The following PLD2 variants were observed in gnomAD, a reference collection of about 807,000 sequenced individuals.
PLD2 encodes the protein choline phosphatase 2.
In PLD2, 101 loss-of-function variants were observed where a neutral mutation model predicts 119.8. The ratio of observed to expected loss-of-function variants is 0.84; its 90% CI spans 0.72 to 0.99. The LOEUF (loss-of-function observed/expected upper bound fraction) is 0.99, where lower values mean the gene tolerates loss of function less well. PLD2 is among the 50% of genes least tolerant of loss of function. The pLI is 0.00. For missense variants in PLD2, 1,164 were observed against 1,226.8 expected, an observed-to-expected ratio of 0.95 and a Z score of 0.76; for synonymous variants, 494 against 482.8, an observed-to-expected ratio of 1.02 and a Z score of -0.30.
rs1906129199 is a variant in PLD2, at chr17:4,808,731, A to C, written c.383+315A>C. Among the ~76,000 whole-genome samples the C allele has an allele frequency of 6.6e-6, 1 of 152,014 alleles. No homozygotes were observed. Among genetic ancestry groups the C allele is most frequent in the African/African-American group, 2.4e-5 (1 of 41,390 alleles). ...TTGTTTTTTGTTTTTGTTTTGTACA[A>C]GGTCTCCCTCTGTCACCCAGGCTAG... On this transcript the variant is annotated intron_variant, in intron 4 of 24. Transcript: ENST00000263088. This position sits in a 1 kb window ranked among gnomAD's most constrained non-coding sequence, Gnocchi z 4.1.
chr17:4,818,468 C>T (rs1194895224), intron 19 of PLD2, 26 bp from the exon 20 acceptor site: 1 of 1,599,070 alleles, frequency 6.3e-7, no homozygotes, highest in Non-Finnish European at 8.6e-7. Context: ...GGACCAGTCG[C>T]ACCTCTGACT....
chr17:4,819,663 A>T lies in PLD2; in HGVS notation c.2462+81A>T. ...TGAGCAGGACAAGAGGTAGCACCGC[A>T]TAGGTACTCCCGGAGCCAGAGGTAG... On this transcript the variant is annotated intron_variant, in intron 23 of 24. Transcript: ENST00000263088. This position sits in a 1 kb window ranked among gnomAD's most constrained non-coding sequence, Gnocchi z 4.2. 1 of 1,348,056 alleles carries T rather than the reference A, an allele frequency of 7.4e-7. No individual in the cohort carries two copies. The highest frequency in any genetic ancestry group is 1.0e-6 in the Non-Finnish European group (1 of 982,270). The allele number at this position is 1,348,056 out of a possible 1,614,324, so 83.5% of individuals were successfully genotyped here. A position where few individuals can be genotyped will look rare whatever the true frequency, so the allele number is the denominator to read the frequency against.
intron 15 of PLD2, 35 bp from the exon 16 acceptor site, chr17:4,816,902 C>G (rs747390418): frequency 6.3e-7 from 1 of 1,592,696 alleles, no homozygotes; most frequent in South Asian, 1.1e-5. Context: ...GAGTCCAGCC[C>G]TGACATCTCC....
intron 23 of PLD2, among the ~76,000 whole-genome samples, chr17:4,821,051 C>T (rs552064255): frequency 7.9e-4 from 120 of 151,186 alleles, no homozygotes; most frequent in South Asian, 1.5e-3. Flanking sequence ...TACAGGCGCC[C>T]GCCACCATGC....
At position 4,818,947 on chromosome 17, in the gene PLD2, A is replaced by G. The variant is rs1240585484; in HGVS notation, c.2173+124A>G. ...GTGAGCCTCTGACGCTACGCAGACC[A>G]TAGCTGGCCTTTCACTGCAGGGAGA... is the stretch of plus-strand genomic sequence containing the variant. On this transcript the variant is annotated intron_variant, in intron 21 of 24. Transcript: ENST00000263088. 8.8e-6 allele frequency: 13 copies of G among 1,485,136 alleles called. No individual in the cohort carries two copies. In the Admixed American group the frequency reaches 1.8e-4, roughly 21 times the overall value. 92.0% of individuals were successfully genotyped at this position (1,485,136 alleles called of 1,614,324 possible).
In PLD2 at chr17:4,818,220, G is replaced by A. The variant is rs934913814; in HGVS notation, c.1921-77G>A. The A allele has an allele frequency of 4.8e-6, 7 of 1,456,860 alleles. No individual in the cohort carries two copies. The Admixed American group carries it at 8.5e-5, about 18-fold the overall frequency. 90.2% of individuals were successfully genotyped at this position (1,456,860 alleles called of 1,614,324 possible). A position where few individuals can be genotyped will look rare whatever the true frequency, so the allele number is the denominator to read the frequency against. On this transcript the variant is annotated intron_variant, in intron 18 of 24. Transcript: ENST00000263088. ...GGTGGAGCAGAAGCAGACGCCTGGA[G>A]CCTGGGACCAAGGCTGGAGGCCGAG...
chr17:4,816,129 C>G (rs986541742), intron 14 of PLD2, among the ~76,000 whole-genome samples, 195 bp downstream of exon 14: 3 of 152,134 alleles, frequency 2.0e-5, no homozygotes, highest in Non-Finnish European at 4.4e-5. Flanking sequence ...TGCCTGTAAT[C>G]CCAGCACTTT....
intron 10 of PLD2, among the ~76,000 whole-genome samples, chr17:4,813,864 A>G (rs974791896): frequency 1.3e-5 from 2 of 152,152 alleles, no homozygotes; most frequent in African/African-American, 4.8e-5. Flanking sequence ...ATCTCCAAAA[A>G]GCTATATATA....
rs377633484 is a variant in PLD2, at chr17:4,819,611, G to A, written c.2462+29G>A. ...GAGCTGGGGCGGGATGCCACAGGGT[G>A]GGAGGGAGATGGGGGCGTCTGCCTT... On this transcript the variant is annotated intron_variant, in intron 23 of 24. Coordinates refer to ENST00000263088, the MANE Select transcript of PLD2 (RefSeq NM_002663.5). The surrounding 1 kb of genome is among the most constrained non-coding windows in gnomAD (Gnocchi z 4.2). The A allele has an allele frequency of 5.0e-6, 8 of 1,584,264 alleles. No individual in the cohort carries two copies. The highest frequency in any genetic ancestry group is 1.7e-5 in the Admixed American group (1 of 57,792).
Position 4,807,357 on chromosome 17 carries a change from GA to G in PLD2, c.-2+133del, listed in dbSNP as rs1479447157. 1 of 156,522 alleles carries G rather than the reference GA, an allele frequency of 6.4e-6. No individual in the cohort carries two copies. Among genetic ancestry groups the G allele is most frequent in the African/African-American group, 2.4e-5 (1 of 41,578 alleles). The allele number at this position is 156,522 out of a possible 1,614,324, so 9.7% of individuals were successfully genotyped here. On this transcript the variant is annotated intron_variant, in intron 1 of 24. Coordinates refer to ENST00000263088, the MANE Select transcript of PLD2 (RefSeq NM_002663.5). The surrounding 1 kb of genome is among the most constrained non-coding windows in gnomAD (Gnocchi z 5.4). ...TTTCGGGATTTCTACCCCCGGCTGGGATCGCGTAACTTCCTCATTCCCGCCT... is the reference window on the plus strand; with the variant it reads ...TTTCGGGATTTCTACCCCCGGCTGGGTCGCGTAACTTCCTCATTCCCGCCT...
chr17:4,809,298 A>G lies in PLD2; in HGVS notation c.490A>G (p.Lys164Glu), dbSNP rs1408366424. 6.2e-7 allele frequency: 1 copy of G among 1,613,792 alleles called. No homozygotes were observed. The highest frequency in any genetic ancestry group is 8.5e-7 in the Non-Finnish European group (1 of 1,179,810). The change falls in exon 6 of 25, where the codon AAA (lysine) becomes GAA (glutamate). Residue 164 changes from lysine to glutamate, a missense_variant and splice_region_variant. Lys to Glu is a moderately conservative substitution (Grantham distance 56). Coordinates refer to ENST00000263088, the MANE Select transcript of PLD2 (RefSeq NM_002663.5). ...GSTRHAASKQ[K>E]YLENYLNRLL... ...TCTCTCTCTCTCATCTCCACTTCAG[A>G]AATACCTGGAGAATTACCTCAACCG...
intron 7 of PLD2, 56 bp downstream of exon 7, chr17:4,809,607 C>A: frequency 6.2e-7 from 1 of 1,608,814 alleles, no homozygotes; most frequent in Non-Finnish European, 8.5e-7. Flanking sequence ...TTAATTTCTC[C>A]CTGCCTGAGA....
chr17:4,818,729 C>T, intron 20 of PLD2, 45 bp from the exon 21 acceptor site: 1 of 1,610,848 alleles, frequency 6.2e-7, no homozygotes, highest in Non-Finnish European at 8.5e-7. Context: ...GACCTCCCCT[C>T]CCCTCTGCCA....
In PLD2 at chr17:4,819,236, T is replaced by G. The variant is rs2150679485; in HGVS notation, c.2308+18T>G. ...CATCATTGGTCAGTGCCGGATCTAG[T>G]CCTCTGGCAGGGAGAGGGTGTGGGG... is the stretch of plus-strand genomic sequence containing the variant. On this transcript the variant is annotated intron_variant, in intron 22 of 24. Transcript: ENST00000263088. This position sits in a 1 kb window ranked among gnomAD's most constrained non-coding sequence, Gnocchi z 4.2. 1.2e-6 allele frequency: 2 copies of G among 1,613,154 alleles called. No individual in the cohort carries two copies. Among genetic ancestry groups the G allele is most frequent in the Non-Finnish European group, 1.7e-6 (2 of 1,179,706 alleles).
At position 4,807,939 on chromosome 17, in the gene PLD2, T is replaced by G. The variant is rs1906039207; in HGVS notation, c.110-45T>G. 6.2e-7 allele frequency: 1 copy of G among 1,606,288 alleles called. No homozygotes were observed. The highest frequency in any genetic ancestry group is 1.3e-5 in the African/African-American group (1 of 74,878). On this transcript the variant is annotated intron_variant, in intron 2 of 24. Coordinates refer to ENST00000263088, the MANE Select transcript of PLD2 (RefSeq NM_002663.5). The surrounding 1 kb of genome is among the most constrained non-coding windows in gnomAD (Gnocchi z 5.4). ...GAGAGGCGTTCGGGAGCCAGGGGGC[T>G]GGGGCCTGTTGTGGTCTACACTCCT...
intron 24 of PLD2, 129 bp downstream of exon 24, chr17:4,822,036 T>C (rs557079910): frequency 6.3e-6 from 4 of 631,208 alleles, no homozygotes; most frequent in East Asian, 2.8e-5. Context: ...TGGGGACATT[T>C]GCTATCAAGA....
rs970672426 is a variant in PLD2, at chr17:4,816,161, C to T, written c.1455+227C>T. Reference sequence around the variant, plus strand: ...CTTTGGGAGGCCAAGGCGGGTGGATCACCTGAGGTCTGGAGTTCGAGACCA... The same window carrying T: ...CTTTGGGAGGCCAAGGCGGGTGGATTACCTGAGGTCTGGAGTTCGAGACCA... On this transcript the variant is annotated intron_variant, in intron 14 of 24. Coordinates refer to ENST00000263088, the MANE Select transcript of PLD2 (RefSeq NM_002663.5). Among the ~76,000 whole-genome samples, 3 of 152,118 alleles carry T rather than the reference C, an allele frequency of 2.0e-5. No individual in the cohort carries two copies. In the East Asian group the frequency reaches 5.8e-4, roughly 29 times the overall value.
At position 4,814,730 on chromosome 17, in the gene PLD2, C is replaced by A; in HGVS notation, c.1173+19C>A. 2 of 1,610,732 alleles carry A rather than the reference C, an allele frequency of 1.2e-6. No individual in the cohort carries two copies. Among genetic ancestry groups the A allele is most frequent in the South Asian group, 1.1e-5 (1 of 91,008 alleles). On this transcript the variant is annotated intron_variant, in intron 12 of 24. Transcript: ENST00000263088. ...GAAGGCGGTGAGGAGAGTGGTCAGG[C>A]CGCAGGGGGAGGGGGTTGCCTGTGG...
chr17:4,808,590 T>C lies in PLD2; in HGVS notation c.383+174T>C. ...GCTCAGCTTTCCCTGTCCATGGTTC[T>C]GTGCCAGCATCTCAGCTGGGCGGGA... On this transcript the variant is annotated intron_variant, in intron 4 of 24. Coordinates refer to ENST00000263088, the MANE Select transcript of PLD2 (RefSeq NM_002663.5). This position sits in a 1 kb window ranked among gnomAD's most constrained non-coding sequence, Gnocchi z 4.1. 1 of 649,370 alleles carries C rather than the reference T, an allele frequency of 1.5e-6. No individual in the cohort carries two copies. 40.2% of individuals were successfully genotyped at this position (649,370 alleles called of 1,614,324 possible).
Sources: allele counts gnomAD v4.1 joint callset (sites outside exome capture counted in the v4.1 genomes callset), GRCh38; gene constraint gnomAD v4.1.1; non-coding constraint Gnocchi (gnomAD v3.1); transcripts MANE v1.5; gene names NCBI Gene and HGNC (gene_info 2026-07-23, HGNC 2026-07-21).